Variants in ABTB3 observed in about 807,000 individuals in gnomAD.
The protein encoded by ABTB3 is ankyrin repeat and BTB domain containing 3, also known as ankyrin repeat- and BTB/POZ domain-containing protein 3.
At chr12:107,531,502 C>G in the ABTB3 span, among the ~76,000 whole-genome samples, 24 of 152,304 alleles carry the variant, frequency 1.6e-4, no homozygotes, top group Admixed American at 3.9e-4. Flanking sequence ...CAGTCCTACT[C>G]TAGGAGCCTC....
the ABTB3 span, among the ~76,000 whole-genome samples, chr12:107,457,004 C>A: frequency 6.6e-6 from 1 of 152,118 alleles, no homozygotes; most frequent in African/African-American, 2.4e-5. Context: ...GGACTGCAGG[C>A]ACCCGCCACC....
the ABTB3 span, among the ~76,000 whole-genome samples, chr12:107,560,661 C>T: frequency 6.6e-6 from 1 of 152,150 alleles, no homozygotes; most frequent in Admixed American, 6.5e-5. Context: ...CAGTGAGTGG[C>T]CAAACTGAAA....
chr12:107,465,445 C>T, the ABTB3 span, among the ~76,000 whole-genome samples: 1 of 152,154 alleles, frequency 6.6e-6, no homozygotes, highest in Non-Finnish European at 1.5e-5. Context: ...CCTCTTCCTA[C>T]CTTTATATCC....
the ABTB3 span, among the ~76,000 whole-genome samples, chr12:107,342,218 T>G: frequency 6.6e-6 from 1 of 151,882 alleles, no homozygotes; most frequent in Non-Finnish European, 1.5e-5. Flanking sequence ...CATCCTTCTT[T>G]GCAGATGGAT....
chr12:107,454,365 G>A, the ABTB3 span, among the ~76,000 whole-genome samples: 1 of 152,226 alleles, frequency 6.6e-6, no homozygotes, highest in African/African-American at 2.4e-5. Context: ...AACCACGGGT[G>A]CTCTGCACTG....
At chr12:107,371,199 A>C in the ABTB3 span, among the ~76,000 whole-genome samples, 1 of 152,046 alleles carries the variant, frequency 6.6e-6, no homozygotes, top group Non-Finnish European at 1.5e-5. Flanking sequence ...ATCATTCTGG[A>C]ACTGTGCTGT....
At chr12:107,333,747 G>A in the ABTB3 span, among the ~76,000 whole-genome samples, 3 of 152,148 alleles carry the variant, frequency 2.0e-5, no homozygotes, top group Non-Finnish European at 4.4e-5. Context: ...AAAAATCATT[G>A]CCTTTACAGA....
chr12:107,643,640 TG>T, the ABTB3 span, among the ~76,000 whole-genome samples: 2 of 56,080 alleles, frequency 3.6e-5, no homozygotes, highest in Admixed American at 1.4e-4. Flanking sequence ...GTTGGAAAGC[TG>T]GGTTCCATGC....
chr12:107,569,836 G>C, the ABTB3 span, among the ~76,000 whole-genome samples: 14 of 152,196 alleles, frequency 9.2e-5, no homozygotes, highest in African/African-American at 3.4e-4. Flanking sequence ...CTTAAGCAAC[G>C]GTCAGAAGTC....
the ABTB3 span, among the ~76,000 whole-genome samples, chr12:107,413,472 T>C: frequency 6.6e-6 from 1 of 152,188 alleles, no homozygotes; most frequent in African/African-American, 2.4e-5. Flanking sequence ...CAGGACACTC[T>C]AGTCCTGCCA....
chr12:107,538,599 A>G, the ABTB3 span, among the ~76,000 whole-genome samples: 1 of 152,188 alleles, frequency 6.6e-6, no homozygotes, highest in South Asian at 2.1e-4. Context: ...TTTCAGCACC[A>G]GCTTCCTTCC....
the ABTB3 span, among the ~76,000 whole-genome samples, chr12:107,583,365 G>A: frequency 6.6e-6 from 1 of 152,086 alleles, no homozygotes; most frequent in Admixed American, 6.5e-5. Flanking sequence ...AACAAACATT[G>A]GTATCCAGGA....
At chr12:107,630,206 C>T in the ABTB3 span, among the ~76,000 whole-genome samples, 1 of 152,192 alleles carries the variant, frequency 6.6e-6, no homozygotes, top group Non-Finnish European at 1.5e-5. Context: ...CGGCGTAGCA[C>T]CCTAATCCTC....
chr12:107,600,564 C>T, the ABTB3 span, among the ~76,000 whole-genome samples: 2 of 152,184 alleles, frequency 1.3e-5, no homozygotes, highest in Admixed American at 6.5e-5. Flanking sequence ...CACAGCAGAA[C>T]GGGGCTGCAT....
At chr12:107,410,520 G>A in the ABTB3 span, among the ~76,000 whole-genome samples, 1 of 152,208 alleles carries the variant, frequency 6.6e-6, no homozygotes, top group Non-Finnish European at 1.5e-5. Context: ...TTCTGACTTG[G>A]TGAAGGGAAT....
chr12:107,642,475 A>G, the ABTB3 span, among the ~76,000 whole-genome samples: 1 of 152,156 alleles, frequency 6.6e-6, no homozygotes, highest in Non-Finnish European at 1.5e-5. Flanking sequence ...TAATTGGTCA[A>G]TTACAGTATA....
At chr12:107,401,025 A>AGGAC in the ABTB3 span, among the ~76,000 whole-genome samples, 1 of 152,348 alleles carries the variant, frequency 6.6e-6, no homozygotes, top group South Asian at 2.1e-4. Context: ...GACCATGTCC[A>AGGAC]CATTCACATG....
the ABTB3 span, among the ~76,000 whole-genome samples, chr12:107,432,118 G>A: frequency 6.6e-6 from 1 of 152,216 alleles, no homozygotes; most frequent in Non-Finnish European, 1.5e-5. Context: ...GTATAAGGAG[G>A]TTTTCCTGTC....
At chr12:107,565,814 G>A in the ABTB3 span, among the ~76,000 whole-genome samples, 1 of 152,170 alleles carries the variant, frequency 6.6e-6, no homozygotes, top group African/African-American at 2.4e-5. Context: ...GGGCACACGT[G>A]GTCCCCTTTC....
Sources: gnomAD v4.1 joint callset for allele counts (sites outside exome capture counted in the v4.1 genomes callset) on GRCh38, gnomAD v4.1.1 for gene constraint, MANE v1.5 for transcripts, NCBI Gene and HGNC (gene_info 2026-07-23, HGNC 2026-07-21) for gene names.